Variants in MTMR7 observed in about 807,000 individuals in gnomAD.
MTMR7 encodes the protein myotubularin related protein 7, also known as phosphatidylinositol-3-phosphate phosphatase MTMR7.
A neutral mutation model predicts 81.2 loss-of-function variants in MTMR7; 76 were observed. That is an observed-to-expected ratio of 0.94 (90% CI 0.78 to 1.13). MTMR7 has a LOEUF of 1.13. MTMR7 is among the 50% of genes most tolerant of loss of function. The pLI, the probability that MTMR7 is intolerant of heterozygous loss-of-function variation, is 0.00. For missense variants in MTMR7, 1,044 were observed against 820.0 expected (o/e 1.27, Z -3.34); for synonymous variants, 372 against 289.8 (o/e 1.28, Z -2.88).
chr8:17,374,903 A>T (rs1239402112), intron 1 of MTMR7, among the ~76,000 whole-genome samples: 1 of 152,136 alleles, frequency 6.6e-6, no homozygotes, highest in Non-Finnish European at 1.5e-5. Flanking sequence ...AGCCTGGCCA[A>T]CATGGTGAAA....
At chr8:17,359,274 T>C (rs944704154) in intron 4 of MTMR7, among the ~76,000 whole-genome samples, 4 of 152,140 alleles carry the variant, frequency 2.6e-5, no homozygotes, top group South Asian at 2.1e-4. Flanking sequence ...AATCATTTCA[T>C]TGATTGTTTA....
In MTMR7 at chr8:17,341,509, G is replaced by C. The variant is rs1320097372; in HGVS notation, c.598-12C>G. 2.5e-6 allele frequency: 4 copies of C among 1,612,768 alleles called. No homozygotes were observed. The highest frequency in any genetic ancestry group is 8.5e-7 in the Non-Finnish European group (1 of 1,179,912). ...CGGCAGATGGAGGCCTAGGGGGAGA[G>C]GTCACAGCAACACAGCACCATCAGG... On this transcript the variant is annotated splice_polypyrimidine_tract_variant and intron_variant, in intron 5 of 13. Coordinates refer to ENST00000180173, the MANE Select transcript of MTMR7 (RefSeq NM_004686.5).
intron 7 of MTMR7, among the ~76,000 whole-genome samples, chr8:17,322,399 G>A (rs1442713066): frequency 6.6e-6 from 1 of 152,212 alleles, no homozygotes; most frequent in African/African-American, 2.4e-5. Context: ...TAGTATATAT[G>A]AATGTGAATT....
At chr8:17,412,464 A>T (rs1355200837) in intron 1 of MTMR7, among the ~76,000 whole-genome samples, 1 of 152,178 alleles carries the variant, frequency 6.6e-6, no homozygotes, top group Non-Finnish European at 1.5e-5. Flanking sequence ...GGTTTTTATC[A>T]TGCAGTAACG....
At chr8:17,375,480 G>GTTT (rs372246791) in intron 1 of MTMR7, among the ~76,000 whole-genome samples, 93 of 136,626 alleles carry the variant, frequency 6.8e-4, no homozygotes, top group African/African-American at 2.2e-3. Flanking sequence ...ACTAGCTTAT[G>GTTT]TTTTTTTTTT....
At chr8:17,315,221 A>G (rs993488451) in intron 7 of MTMR7, among the ~76,000 whole-genome samples, 1 of 152,222 alleles carries the variant, frequency 6.6e-6, no homozygotes, top group Non-Finnish European at 1.5e-5. Context: ...GTGCTAAGGG[A>G]AAGAAGCCAA....
chr8:17,331,688 T>C (rs1411405834), intron 6 of MTMR7, among the ~76,000 whole-genome samples: 1 of 152,226 alleles, frequency 6.6e-6, no homozygotes, highest in Non-Finnish European at 1.5e-5. Flanking sequence ...TAAGGCTCTA[T>C]ACATTATTAT....
intron 1 of MTMR7, among the ~76,000 whole-genome samples, chr8:17,394,457 C>G (rs1461723069): frequency 6.6e-6 from 1 of 152,030 alleles, no homozygotes; most frequent in Non-Finnish European, 1.5e-5. Flanking sequence ...CACAACGGAC[C>G]ATAAATTGTA....
intron 3 of MTMR7, among the ~76,000 whole-genome samples, chr8:17,363,271 A>C (rs183824078): frequency 1.2e-3 from 180 of 152,344 alleles, no homozygotes; most frequent in African/African-American, 4.2e-3. Flanking sequence ...CATAATGTTA[A>C]CCACAAATGC....
chr8:17,359,413 CA>C (rs147939355), intron 4 of MTMR7, among the ~76,000 whole-genome samples: 164 of 151,848 alleles, frequency 1.1e-3, no homozygotes, highest in African/African-American at 3.6e-3. Flanking sequence ...GCCTGAGCAA[CA>C]TGGGGAGAAC....
chr8:17,304,633 T>C, intron 11 of MTMR7, 114 bp from the exon 12 acceptor site: 1 of 1,062,258 alleles, frequency 9.4e-7, no homozygotes, highest in Non-Finnish European at 1.4e-6. Context: ...ACCACGTGTC[T>C]GTTCGATAGC....
chr8:17,302,321 A>G lies in MTMR7; in HGVS notation c.1494-41T>C, dbSNP rs758066526. 4 of 1,575,984 alleles carry G rather than the reference A, an allele frequency of 2.5e-6. No homozygotes were observed. In the African/African-American group the frequency reaches 4.1e-5, roughly 16 times the overall value. On this transcript the variant is annotated intron_variant, in intron 12 of 13. Coordinates refer to ENST00000180173, the MANE Select transcript of MTMR7 (RefSeq NM_004686.5). Reference sequence around the variant, plus strand: ...AAGCGTCGTGATACCACCTTATCACAGTCTGAAAATTCACATCCTCAAGTC... The same window carrying G: ...AAGCGTCGTGATACCACCTTATCACGGTCTGAAAATTCACATCCTCAAGTC...
intron 6 of MTMR7, among the ~76,000 whole-genome samples, chr8:17,332,181 G>A (rs1407845108): frequency 5.3e-5 from 8 of 152,032 alleles, no homozygotes; most frequent in African/African-American, 1.9e-4. Context: ...GGACAGGAGG[G>A]CTAACCCAGG....
intron 1 of MTMR7, among the ~76,000 whole-genome samples, chr8:17,377,562 C>G (rs1271701381): frequency 6.6e-6 from 1 of 151,622 alleles, no homozygotes; most frequent in Non-Finnish European, 1.5e-5. Flanking sequence ...ACTTGCTTTG[C>G]TTGGGCATGC....
chr8:17,410,778 G>A (rs943975546), intron 1 of MTMR7, among the ~76,000 whole-genome samples: 6 of 152,154 alleles, frequency 3.9e-5, no homozygotes, highest in African/African-American at 1.4e-4. Context: ...GGCTGTCATG[G>A]ATATTACACA....
At chr8:17,383,827 C>T (rs1170525161) in intron 1 of MTMR7, among the ~76,000 whole-genome samples, 1 of 152,100 alleles carries the variant, frequency 6.6e-6, no homozygotes, top group Non-Finnish European at 1.5e-5. Flanking sequence ...CTGAAGTGTG[C>T]ACCAGCATGT....
At chr8:17,333,790 A>G (rs1029291967) in intron 6 of MTMR7, among the ~76,000 whole-genome samples, 2 of 152,162 alleles carry the variant, frequency 1.3e-5, no homozygotes, top group African/African-American at 2.4e-5. Context: ...TCAACGCTGC[A>G]GTGAGCTGTG....
chr8:17,375,149 C>T lies in MTMR7; in HGVS notation c.25-1909G>A, dbSNP rs1585103464. On this transcript the variant is annotated intron_variant, in intron 1 of 13. Transcript: ENST00000180173. ...TCTAGTTTGGGAGTCTCAGACTTCC[C>T]ATCTACTCCAAGGGAGAGCCAGGGG... Among the ~76,000 whole-genome samples the T allele has an allele frequency of 2.0e-5, 3 of 152,176 alleles. No homozygotes were observed. The East Asian group carries it at 5.8e-4, about 29-fold the overall frequency.
At chr8:17,319,034 G>C (rs1279202706) in intron 7 of MTMR7, among the ~76,000 whole-genome samples, 1 of 152,216 alleles carries the variant, frequency 6.6e-6, no homozygotes, top group Non-Finnish European at 1.5e-5. Context: ...TGCCATCTTG[G>C]GGAAATAGGA....
Sources: allele counts gnomAD v4.1 joint callset (sites outside exome capture counted in the v4.1 genomes callset), GRCh38; gene constraint gnomAD v4.1.1; transcripts MANE v1.5; gene names NCBI Gene and HGNC (gene_info 2026-07-23, HGNC 2026-07-21).